MARF1: variants seen among roughly 807,000 people sequenced by gnomAD.
MARF1 encodes meiosis regulator and mRNA stability factor 1, also known as limkain-b1.
Under a neutral mutation model 168.2 loss-of-function variants are expected in MARF1, and 24 were observed. The observed-to-expected ratio is 0.14, with a 90% CI of 0.10 to 0.20. MARF1 has a LOEUF of 0.20. Ranked by LOEUF, MARF1 falls within the 10% of genes least tolerant of loss-of-function variation. The pLI is 1.00. For synonymous variants in MARF1, 868 were observed against 822.4 expected, an observed-to-expected ratio of 1.06 and a Z score of -0.95; for missense variants, 1,744 against 2,143.6, an observed-to-expected ratio of 0.81 and a Z score of 3.68.
At chr16:15,639,059 C>G (rs372005652) in intron 2 of MARF1, 31 bp downstream of exon 2, 6 of 1,596,928 alleles carry the variant, frequency 3.8e-6, no homozygotes, top group South Asian at 1.1e-5. Flanking sequence ...GATGAGGAAT[C>G]TGCTACATCC....
At chr16:15,607,902 G>A (rs1323331464) in intron 21 of MARF1, among the ~76,000 whole-genome samples, 1 of 152,324 alleles carries the variant, frequency 6.6e-6, no homozygotes. Context: ...GGAGGGAGAG[G>A]ACACTGTGTG....
At position 15,635,822 on chromosome 16, in the gene MARF1, C is replaced by G; in HGVS notation, c.665G>C (p.Gly222Ala). ...TGTGAAATCAGAACAGGGGAAATAG[C>G]CAGCGGAGGTGCAGCCCTGCAGACT... The part of the protein sequence containing the change: ...FPSLQGCTSA[G>A]YFPCSDFTSG... The change falls in exon 3 of 27, where the codon GGC becomes GCC. Residue 222 changes from glycine (G) to alanine (A), a missense_variant. By Grantham distance (60) the Gly-to-Ala change is moderately conservative. This residue lies in a region of MARF1 where 318 missense variants were observed against 336.6 expected (regional missense o/e 0.94). Coordinates refer to ENST00000396368, the MANE Select transcript of MARF1 (RefSeq NM_014647.4). 1 of 1,614,170 alleles carries G rather than the reference C, an allele frequency of 6.2e-7. No individual in the cohort carries two copies. Among genetic ancestry groups the G allele is most frequent in the Non-Finnish European group, 8.5e-7 (1 of 1,180,040 alleles).
rs1035798999 is a variant in MARF1, at chr16:15,595,081, T to C, written c.*1612A>G. 2 of 152,610 alleles carry C rather than the reference T, an allele frequency of 1.3e-5. No homozygotes were observed. Among genetic ancestry groups the C allele is most frequent in the African/African-American group, 4.8e-5 (2 of 41,440 alleles). 9.5% of individuals were successfully genotyped at this position (152,610 alleles called of 1,614,324 possible). On this transcript the variant is annotated 3_prime_UTR_variant, in exon 27 of 27. Transcript: ENST00000396368. ...TGTTTAAAAGCTCCTTTAAAAAAAA[T>C]TGCACATTTGCATTTCACTTCCTGT...
chr16:15,598,106 G>A (rs2031945531), intron 26 of MARF1, among the ~76,000 whole-genome samples: 1 of 152,160 alleles, frequency 6.6e-6, no homozygotes, highest in Non-Finnish European at 1.5e-5. Context: ...ATCTGTACAG[G>A]GCAGATGGGC....
rs199631978 is a variant in MARF1 at position 15,622,948 on chromosome 16, C to A, written c.2446G>T (p.Ala816Ser). The A allele has an allele frequency of 2.8e-5, 44 of 1,573,168 alleles. No individual in the cohort carries two copies. The Admixed American group carries it at 6.9e-4, about 25-fold the overall frequency. Residue 816 changes from alanine to serine, a missense_variant, in exon 11 of 27, where the codon GCC becomes TCC. Around this residue, in one of 7 missense-constraint regions of MARF1, gnomAD observed 543 missense variants for 742.1 expected, o/e 0.73. Coordinates refer to ENST00000396368, the MANE Select transcript of MARF1 (RefSeq NM_014647.4). ...GAAAAAGTTACCTTGCCATGCCTGG[C>A]AAATGCTTCCTGCAGGAGCTGCTGC... ...ELQQLLQEAF[A>S]RHGKVKSVEL...
chr16:15,643,099 C>G lies in MARF1; in HGVS notation c.-140G>C. On this transcript the variant is annotated 5_prime_UTR_variant, in exon 1 of 27. Coordinates refer to ENST00000396368, the MANE Select transcript of MARF1 (RefSeq NM_014647.4). Reference sequence around the variant, plus strand: ...CCCCCCAGGCCCTTTGTTTTGATTCCCGACTCCGCAGCTCCCGCCGCCGCC... The same window carrying G: ...CCCCCCAGGCCCTTTGTTTTGATTCGCGACTCCGCAGCTCCCGCCGCCGCC... The G allele has an allele frequency of 3.5e-6, 1 of 284,210 alleles. No homozygotes were observed. The highest frequency in any genetic ancestry group is 6.8e-6 in the Non-Finnish European group (1 of 147,402). 17.6% of individuals were successfully genotyped at this position (284,210 alleles called of 1,614,324 possible). A position where few individuals can be genotyped will look rare whatever the true frequency, so the allele number is the denominator to read the frequency against.
intron 2 of MARF1, among the ~76,000 whole-genome samples, chr16:15,638,889 G>A (rs757923989): frequency 2.6e-5 from 4 of 152,194 alleles, no homozygotes; most frequent in Non-Finnish European, 5.9e-5. Context: ...GGCATCTACT[G>A]TTACTCAAAG....
At chr16:15,600,768 A>C (rs1399318272) in intron 23 of MARF1, 67 bp from the exon 24 acceptor site, 38 of 1,551,740 alleles carry the variant, frequency 2.4e-5, no homozygotes, top group African/African-American at 5.4e-5. Flanking sequence ...AACATTCAGG[A>C]AGAGTGTGAC....
intron 1 of MARF1, among the ~76,000 whole-genome samples, chr16:15,641,422 A>G (rs1222177236): frequency 6.6e-6 from 1 of 152,244 alleles, no homozygotes; most frequent in African/African-American, 2.4e-5. Flanking sequence ...AATCTGTGAT[A>G]TTCACAGTGT....
In MARF1 at chr16:15,602,132, C is replaced by A; in HGVS notation, c.4485G>T (p.Arg1495=). The A allele has an allele frequency of 6.2e-7, 1 of 1,614,132 alleles. No homozygotes were observed. The highest frequency in any genetic ancestry group is 8.5e-7 in the Non-Finnish European group (1 of 1,179,974). The change falls in exon 23 of 27, where the codon CGG becomes CGT. Residue 1495 remains arginine, a synonymous_variant. Coordinates refer to ENST00000396368, the MANE Select transcript of MARF1 (RefSeq NM_014647.4). The stretch of plus-strand genomic sequence containing the variant: ...GGTAGTGGTAAGTATGAAGTAAAGA[C>A]CGCACATTCTTTGCAAACAAATACA... ...TSLYLFAKNV[R]SLLHTYHYQQ...
intron 21 of MARF1, among the ~76,000 whole-genome samples, chr16:15,605,119 G>T (rs2032890327): frequency 6.6e-6 from 1 of 152,228 alleles, no homozygotes; most frequent in African/African-American, 2.4e-5. Context: ...GAGCCAGCAG[G>T]CTGTGGGTGG....
intron 21 of MARF1, among the ~76,000 whole-genome samples, chr16:15,608,043 G>T (rs2033165730): frequency 6.6e-6 from 1 of 152,096 alleles, no homozygotes; most frequent in Non-Finnish European, 1.5e-5. Context: ...AGTTCACAAA[G>T]GCATTGCTTT....
chr16:15,611,471 AAC>A, intron 18 of MARF1, 119 bp downstream of exon 18: 7 of 914,198 alleles, frequency 7.7e-6, no homozygotes, highest in Non-Finnish European at 8.0e-6. Flanking sequence ...AAAAACAAAA[AAC>A]TACTACAAGT....
intron 26 of MARF1, 33 bp downstream of exon 26, chr16:15,598,821 A>G (rs762678358): frequency 4.3e-6 from 7 of 1,609,638 alleles, no homozygotes; most frequent in Non-Finnish European, 6.0e-6. Context: ...TAAACCCCGA[A>G]GAAAATCCCC....
chr16:15,595,594 C>T lies in MARF1; in HGVS notation c.*1099G>A, dbSNP rs1596412974. 3 of 152,510 alleles carry T rather than the reference C, an allele frequency of 2.0e-5. No individual in the cohort carries two copies. Among genetic ancestry groups the T allele is most frequent in the South Asian group, 4.1e-4 (2 of 4,832 alleles). 9.4% of individuals were successfully genotyped at this position (152,510 alleles called of 1,614,324 possible). A position where few individuals can be genotyped will look rare whatever the true frequency, so the allele number is the denominator to read the frequency against. On this transcript the variant is annotated 3_prime_UTR_variant, in exon 27 of 27. Coordinates refer to ENST00000396368, the MANE Select transcript of MARF1 (RefSeq NM_014647.4). Reference sequence around the variant, plus strand: ...AGAAACCCAGAGATGCTTCCAACAGCGAGAAGTAACGAGAGTAAAATCAGA... The same window carrying T: ...AGAAACCCAGAGATGCTTCCAACAGTGAGAAGTAACGAGAGTAAAATCAGA...
intron 21 of MARF1, 93 bp from the exon 22 acceptor site, chr16:15,604,491 C>A: frequency 2.6e-6 from 2 of 782,242 alleles, no homozygotes; most frequent in Admixed American, 2.6e-5. Flanking sequence ...TTAATGAGAC[C>A]AACAGATGAA....
At chr16:15,612,188 GAAGA>G (rs2033627425) in intron 17 of MARF1, among the ~76,000 whole-genome samples, 2 of 152,172 alleles carry the variant, frequency 1.3e-5, no homozygotes, top group Admixed American at 6.5e-5. Flanking sequence ...GTTAAATTTA[GAAGA>G]AAGGTTAAGC....
chr16:15,612,092 A>G (rs111920511), intron 17 of MARF1, among the ~76,000 whole-genome samples: 67 of 152,328 alleles, frequency 4.4e-4, no homozygotes, highest in African/African-American at 1.5e-3. Context: ...AGTGAGTGGG[A>G]AGCTGTTATA....
intron 17 of MARF1, 109 bp from the exon 18 acceptor site, chr16:15,611,843 T>C (rs763257640): frequency 2.7e-5 from 23 of 852,874 alleles, no homozygotes; most frequent in Non-Finnish European, 4.2e-5. Context: ...TCCCTTTATG[T>C]AGAATGTGTG....
Sources: gnomAD v4.1 joint callset for allele counts (sites outside exome capture counted in the v4.1 genomes callset) on GRCh38, gnomAD v4.1.1 for gene constraint, gnomAD v4.1.1 regional missense constraint, MANE v1.5 for transcripts, NCBI Gene and HGNC (gene_info 2026-07-23, HGNC 2026-07-21) for gene names.